PTPRO: variants seen among roughly 807,000 people sequenced by gnomAD.
PTPRO encodes the protein receptor-type tyrosine-protein phosphatase O.
Under a neutral mutation model 145.2 loss-of-function variants are expected in PTPRO, and 62 were observed. That is an observed-to-expected ratio of 0.43 (90% confidence interval 0.35 to 0.53). The LOEUF (loss-of-function observed/expected upper bound fraction) is 0.53. PTPRO is among the 20% of genes least tolerant of loss of function. PTPRO has a pLI of 0.01. For missense variants in PTPRO, 1,345 were observed against 1,482.7 expected, an observed-to-expected ratio of 0.91 and a Z score of 1.53; for synonymous variants, 565 against 514.7, an observed-to-expected ratio of 1.10 and a Z score of -1.32.
intron 1 of PTPRO, among the ~76,000 whole-genome samples, chr12:15,346,883 T>C (rs1867236781): frequency 6.6e-6 from 1 of 152,228 alleles, no homozygotes; most frequent in African/African-American, 2.4e-5. Flanking sequence ...ATCTGATTTA[T>C]TATCACTTTG....
At chr12:15,479,662 T>A (rs1481093256) in intron 1 of PTPRO, among the ~76,000 whole-genome samples, 1 of 152,198 alleles carries the variant, frequency 6.6e-6, no homozygotes, top group Non-Finnish European at 1.5e-5. Context: ...CTTGCTCAGA[T>A]AGGAGCAGAT....
At chr12:15,421,768 T>C (rs1303669633) in intron 1 of PTPRO, among the ~76,000 whole-genome samples, 1 of 152,210 alleles carries the variant, frequency 6.6e-6, no homozygotes, top group African/African-American at 2.4e-5. Context: ...TGACACCTAG[T>C]GTGAAGCAGA....
intron 2 of PTPRO, among the ~76,000 whole-genome samples, chr12:15,494,957 T>G (rs1942071162): frequency 6.6e-6 from 1 of 152,120 alleles, no homozygotes; most frequent in Admixed American, 6.6e-5. Context: ...TCTGGTAGAC[T>G]CCATGGGTTA....
intron 1 of PTPRO, among the ~76,000 whole-genome samples, chr12:15,324,768 C>T (rs1302046918): frequency 6.6e-6 from 1 of 152,004 alleles, no homozygotes; most frequent in Non-Finnish European, 1.5e-5. Context: ...AGGCATTTTA[C>T]ATACGTTATT....
chr12:15,532,972 G>T (rs920397521), intron 12 of PTPRO, among the ~76,000 whole-genome samples: 2 of 152,104 alleles, frequency 1.3e-5, no homozygotes, highest in African/African-American at 4.8e-5. Context: ...TTCAGAGGTG[G>T]TCTTATCAAA....
intron 1 of PTPRO, among the ~76,000 whole-genome samples, chr12:15,404,251 T>C (rs1939587767): frequency 6.6e-6 from 1 of 151,852 alleles, no homozygotes; most frequent in Non-Finnish European, 1.5e-5. Context: ...AAATAGTATT[T>C]GACTAAATAA....
intron 20 of PTPRO, 144 bp downstream of exon 20, chr12:15,579,087 C>T (rs551129302): frequency 1.4e-6 from 1 of 720,786 alleles, no homozygotes; most frequent in South Asian, 1.5e-5. Context: ...ATTGATCTCA[C>T]TCTCCTTTGA....
At chr12:15,411,776 C>T (rs983598358) in intron 1 of PTPRO, among the ~76,000 whole-genome samples, 1 of 152,200 alleles carries the variant, frequency 6.6e-6, no homozygotes, top group South Asian at 2.1e-4. Context: ...CATGTTATTC[C>T]ATTTTTCAAG....
At chr12:15,591,634 G>A (rs73297739) in intron 25 of PTPRO, among the ~76,000 whole-genome samples, 1 of 151,720 alleles carries the variant, frequency 6.6e-6, no homozygotes, top group African/African-American at 2.4e-5. Flanking sequence ...TGATATCTCC[G>A]CGGACACAGC....
chr12:15,502,614 C>G (rs1942244890), intron 5 of PTPRO, among the ~76,000 whole-genome samples: 1 of 152,118 alleles, frequency 6.6e-6, no homozygotes, highest in Non-Finnish European at 1.5e-5. Context: ...ATGGAAAATA[C>G]ACAGCTGCTG....
At chr12:15,394,780 A>G (rs1385385005) in intron 1 of PTPRO, among the ~76,000 whole-genome samples, 2 of 152,188 alleles carry the variant, frequency 1.3e-5, no homozygotes, top group East Asian at 3.9e-4. Flanking sequence ...TCTTCCGTCT[A>G]TAGAGTATAT....
At chr12:15,480,320 G>T (rs1334798149) in intron 1 of PTPRO, among the ~76,000 whole-genome samples, 2 of 152,008 alleles carry the variant, frequency 1.3e-5, no homozygotes, top group Non-Finnish European at 2.9e-5. Context: ...ACTAATTTTG[G>T]ACTATTTCTT....
intron 9 of PTPRO, among the ~76,000 whole-genome samples, chr12:15,518,353 G>A (rs1942643543): frequency 6.6e-6 from 1 of 152,240 alleles, no homozygotes; most frequent in African/African-American, 2.4e-5. Context: ...CTGGGCCTGG[G>A]CCACAAAACC....
intron 1 of PTPRO, among the ~76,000 whole-genome samples, chr12:15,405,407 C>T (rs1357681812): frequency 6.6e-6 from 1 of 152,142 alleles, no homozygotes; most frequent in Non-Finnish European, 1.5e-5. Flanking sequence ...AAACTTTTAT[C>T]ATTTCAGTGT....
In PTPRO at chr12:15,512,681, A is replaced by G. The variant is rs147818412; in HGVS notation, c.1465-2817A>G. 3.8e-3 allele frequency among the ~76,000 whole-genome samples: 586 copies of G among 152,280 alleles called. 8 individuals carry two copies. In the East Asian group the frequency reaches 0.041, roughly 11 times the overall value. On this transcript the variant is annotated intron_variant, in intron 7 of 26. Transcript: ENST00000281171. ...TGTGGATAATATGCATCTTCTTATC[A>G]TAGTTTGTCTCTTTAGAAAATTCTC... is the stretch of plus-strand genomic sequence containing the variant.
chr12:15,322,726 G>A lies in PTPRO; in HGVS notation c.-1G>A, dbSNP rs999711808. 12 of 1,611,356 alleles carry A rather than the reference G, an allele frequency of 7.4e-6. No homozygotes were observed. Among genetic ancestry groups the A allele is most frequent in the African/African-American group, 2.7e-5 (2 of 74,866 alleles). On this transcript the variant is annotated 5_prime_UTR_variant, in exon 1 of 27. Coordinates refer to ENST00000281171, the MANE Select transcript of PTPRO (RefSeq NM_030667.3). This position sits in a 1 kb window ranked among gnomAD's most constrained non-coding sequence, Gnocchi z 6.3. ...GCCCCCGAGTCCCCGTCCGCGCAGCGATGGGGCACCTGCCCACGGGGATAC... is the reference window on the plus strand; with the variant it reads ...GCCCCCGAGTCCCCGTCCGCGCAGCAATGGGGCACCTGCCCACGGGGATAC...
At chr12:15,552,600 G>A (rs552253433) in intron 15 of PTPRO, among the ~76,000 whole-genome samples, 47 of 152,166 alleles carry the variant, frequency 3.1e-4, no homozygotes, top group South Asian at 1.9e-3. Flanking sequence ...ATATTTAAAG[G>A]CATAAGCTGA....
chr12:15,499,872 A>C (rs2136466320), intron 4 of PTPRO, among the ~76,000 whole-genome samples: 1 of 152,330 alleles, frequency 6.6e-6, no homozygotes, highest in Admixed American at 6.5e-5. Context: ...ACTTACCCAG[A>C]TCTAGTAGAC....
intron 1 of PTPRO, among the ~76,000 whole-genome samples, chr12:15,479,566 G>C (rs1013377253): frequency 1.3e-5 from 2 of 152,216 alleles, no homozygotes; most frequent in Non-Finnish European, 2.9e-5. Context: ...GGAGGTTGTA[G>C]GTGGGGCAAA....
Sources: gnomAD v4.1 joint callset for allele counts (sites outside exome capture counted in the v4.1 genomes callset) on GRCh38, gnomAD v4.1.1 for gene constraint, Gnocchi (gnomAD v3.1) non-coding constraint, MANE v1.5 for transcripts, NCBI Gene and HGNC (gene_info 2026-07-23, HGNC 2026-07-21) for gene names.